MAST4: variants seen among roughly 807,000 people sequenced by gnomAD.
The protein encoded by MAST4 is microtubule-associated serine/threonine-protein kinase 4.
In MAST4, 89 loss-of-function variants were observed where a neutral mutation model predicts 162.7. The observed-to-expected ratio is 0.55, with a 90% CI of 0.46 to 0.65. MAST4 has a LOEUF of 0.65. Ranked by LOEUF, MAST4 falls within the 30% of genes least tolerant of loss-of-function variation. The pLI is 0.00. For synonymous variants in MAST4, 1,479 were observed against 1,361.1 expected (o/e 1.09, Z -1.91); for missense variants, 3,153 against 3,374.0 (o/e 0.93, Z 1.62).
At chr5:66,978,398 A>AT (rs1748394769) in intron 4 of MAST4, among the ~76,000 whole-genome samples, 1 of 152,252 alleles carries the variant, frequency 6.6e-6, no homozygotes, top group Admixed American at 6.5e-5. Context: ...AAGCTACGGC[A>AT]TATCAGCAAA....
intron 4 of MAST4, among the ~76,000 whole-genome samples, chr5:67,008,908 T>C (rs968244540): frequency 2.0e-5 from 3 of 152,200 alleles, no homozygotes; most frequent in African/African-American, 7.2e-5. Context: ...TCTGTAGTGT[T>C]TGATGAGTTT....
At chr5:66,965,518 G>A (rs1746605420) in intron 4 of MAST4, among the ~76,000 whole-genome samples, 2 of 145,444 alleles carry the variant, frequency 1.4e-5, no homozygotes, top group Admixed American at 1.4e-4. Context: ...AAAAGTTTTA[G>A]GGAACTGGTT....
chr5:67,008,058 C>G (rs34698), intron 4 of MAST4, among the ~76,000 whole-genome samples: 129,229 of 152,222 alleles, frequency 0.85, 54,934 homozygotes, highest in African/African-American at 0.88. Context: ...TTTGTCTACT[C>G]TGTTGCTGTA....
At chr5:66,982,946 A>G (rs1749047720) in intron 4 of MAST4, among the ~76,000 whole-genome samples, 1 of 152,234 alleles carries the variant, frequency 6.6e-6, no homozygotes, top group African/African-American at 2.4e-5. Context: ...TCTGAATTAC[A>G]CTAAAATAGA....
At chr5:66,684,529 A>G (rs1266583026) in intron 1 of MAST4, among the ~76,000 whole-genome samples, 2 of 152,228 alleles carry the variant, frequency 1.3e-5, no homozygotes, top group Non-Finnish European at 2.9e-5. Flanking sequence ...ATATTTATGT[A>G]TATATGCATT....
chr5:67,018,742 C>T (rs899797204), intron 4 of MAST4, among the ~76,000 whole-genome samples: 7 of 152,036 alleles, frequency 4.6e-5, no homozygotes, highest in African/African-American at 1.7e-4. Context: ...TTTTTCTATG[C>T]AAGTGAAGAT....
chr5:66,903,006 T>C (rs1332758951), intron 4 of MAST4, among the ~76,000 whole-genome samples: 4 of 152,200 alleles, frequency 2.6e-5, no homozygotes, highest in African/African-American at 9.6e-5. Context: ...AGTATACTTA[T>C]CAGCAGGTAT....
intron 4 of MAST4, among the ~76,000 whole-genome samples, chr5:66,908,652 T>C (rs943736189): frequency 1.2e-4 from 18 of 152,138 alleles, no homozygotes; most frequent in Non-Finnish European, 8.8e-5. Context: ...TGGGGGAAAG[T>C]TTTTTAGTGA....
At chr5:66,598,604 C>T (rs1435964485) in intron 1 of MAST4, among the ~76,000 whole-genome samples, 4 of 152,184 alleles carry the variant, frequency 2.6e-5, no homozygotes, top group Non-Finnish European at 5.9e-5. Context: ...GCATGTGCCA[C>T]GTGTTTGCCC....
At chr5:67,004,945 AT>A in intron 4 of MAST4, 2 of 725,718 alleles carry the variant, frequency 2.8e-6, no homozygotes, top group Non-Finnish European at 5.1e-6. Context: ...ACCTCTCCCC[AT>A]TTTAGTCATA....
intron 1 of MAST4, among the ~76,000 whole-genome samples, chr5:66,612,197 C>T (rs898470283): frequency 2.0e-5 from 3 of 152,146 alleles, no homozygotes; most frequent in African/African-American, 4.8e-5. Flanking sequence ...GAGGTTTAGG[C>T]TTCTTTTTTG....
intron 1 of MAST4, among the ~76,000 whole-genome samples, chr5:66,678,082 A>G (rs1012018128): frequency 1.3e-5 from 2 of 152,130 alleles, no homozygotes; most frequent in African/African-American, 2.4e-5. Context: ...ATTTTTAGGA[A>G]GATTTTTCTA....
chr5:66,763,186 A>G (rs1753931104), intron 2 of MAST4, among the ~76,000 whole-genome samples: 1 of 152,174 alleles, frequency 6.6e-6, no homozygotes, highest in African/African-American at 2.4e-5. Context: ...CACAACTGCT[A>G]CACTGTTCCT....
chr5:66,709,335 A>G (rs1750346915), intron 1 of MAST4, among the ~76,000 whole-genome samples: 1 of 152,142 alleles, frequency 6.6e-6, no homozygotes, highest in African/African-American at 2.4e-5. Flanking sequence ...ATTTTTTTTG[A>G]GACAGGATCT....
intron 3 of MAST4, chr5:66,789,880 C>A: frequency 2.3e-6 from 1 of 436,682 alleles, no homozygotes; most frequent in African/African-American, 2.0e-5. Flanking sequence ...GGTGATTTTT[C>A]CAACTTCAGC....
At chr5:66,685,332 C>A (rs960321591) in intron 1 of MAST4, among the ~76,000 whole-genome samples, 10 of 150,684 alleles carry the variant, frequency 6.6e-5, no homozygotes, top group East Asian at 1.9e-4. Flanking sequence ...CCCCCAAAAA[C>A]CCCCAAAAAG....
intron 1 of MAST4, among the ~76,000 whole-genome samples, chr5:66,712,582 T>C (rs1750563141): frequency 6.6e-6 from 1 of 152,224 alleles, no homozygotes. Flanking sequence ...TGTTTAACTT[T>C]ATATTTGTTT....
intron 13 of MAST4, among the ~76,000 whole-genome samples, chr5:67,119,838 A>G (rs1440832960): frequency 6.6e-6 from 1 of 152,170 alleles, no homozygotes; most frequent in Admixed American, 6.5e-5. Context: ...TCACTCGTGT[A>G]GGGAAGAGTT....
At chr5:67,095,812 AC>A in intron 7 of MAST4, 137 bp downstream of exon 7, 1 of 550,626 alleles carries the variant, frequency 1.8e-6, no homozygotes, top group Non-Finnish European at 3.0e-6. Flanking sequence ...AATAAGTGAC[AC>A]ATCAAATGAT....
Sources: gnomAD v4.1 joint callset for allele counts (sites outside exome capture counted in the v4.1 genomes callset) on GRCh38, gnomAD v4.1.1 for gene constraint, MANE v1.5 for transcripts, NCBI Gene and HGNC (gene_info 2026-07-23, HGNC 2026-07-21) for gene names.